Variants in TRABD2B observed in about 807,000 individuals in gnomAD.
The protein encoded by TRABD2B is TraB domain containing 2B.
TRABD2B carries 14 observed loss-of-function variants against 40.1 expected under a neutral mutation model. That is an observed-to-expected ratio of 0.35 (90% confidence interval 0.23 to 0.55). The LOEUF is 0.55. Ranked by LOEUF, TRABD2B falls within the 20% of genes least tolerant of loss-of-function variation. TRABD2B has a pLI of 0.90. For synonymous variants in TRABD2B, 263 were observed against 277.0 expected (o/e 0.95, Z 0.50); for missense variants, 541 against 648.6 (o/e 0.83, Z 1.80).
intron 2 of TRABD2B, among the ~76,000 whole-genome samples, chr1:47,885,487 C>T (rs568470147): frequency 6.6e-6 from 1 of 152,332 alleles, no homozygotes; most frequent in African/African-American, 2.4e-5. Context: ...CATCTGGTAA[C>T]TGTGGAGCAT....
intron 2 of TRABD2B, among the ~76,000 whole-genome samples, chr1:47,855,104 A>C (rs903279420): frequency 1.3e-5 from 2 of 152,204 alleles, no homozygotes; most frequent in Admixed American, 1.3e-4. Context: ...TTTTTGAATA[A>C]GACTGGGTTT....
At chr1:47,977,846 G>A (rs1242468664) in intron 2 of TRABD2B, among the ~76,000 whole-genome samples, 6 of 152,008 alleles carry the variant, frequency 3.9e-5, no homozygotes, top group Admixed American at 3.3e-4. Flanking sequence ...AGAGCTGGAG[G>A]GCTCTAAAGG....
intron 2 of TRABD2B, among the ~76,000 whole-genome samples, chr1:47,907,303 G>C (rs886940773): frequency 1.3e-5 from 2 of 152,162 alleles, no homozygotes; most frequent in African/African-American, 2.4e-5. Flanking sequence ...CATTGAATTT[G>C]GTTTTCTAGC....
chr1:47,938,926 T>C (rs1645149479), intron 2 of TRABD2B, among the ~76,000 whole-genome samples: 1 of 77,336 alleles, frequency 1.3e-5, no homozygotes, highest in African/African-American at 5.4e-5. Flanking sequence ...TAAGAGTGTG[T>C]GCATGAGACA....
rs1644722451 is a variant in TRABD2B at position 47,794,705 on chromosome 1, T to C, written c.869A>G (p.Glu290Gly). The C allele has an allele frequency of 6.5e-7, 1 of 1,536,186 alleles. No homozygotes were observed. The highest frequency in any genetic ancestry group is 1.4e-5 in the African/African-American group (1 of 73,034). ...CTCCTGGCGGAAGTAGCTGTCAATCTCCTGGGCCGTCACCTGCTCGTGTGG... is the reference window on the plus strand; with the variant it reads ...CTCCTGGCGGAAGTAGCTGTCAATCCCCTGGGCCGTCACCTGCTCGTGTGG... ...LPPHEQVTAQEIDSYFRQELI... is the reference protein window; with the variant it reads ...LPPHEQVTAQGIDSYFRQELI... Residue 290 changes from glutamate to glycine, a missense_variant, in exon 4 of 7, where the codon GAG becomes GGG. By Grantham distance (98) the Glu-to-Gly change is moderately conservative (BLOSUM62 -2). Around this residue, in one of 2 missense-constraint regions of TRABD2B, gnomAD observed 369 missense variants for 492.8 expected, o/e 0.75. Coordinates refer to ENST00000606738, the MANE Select transcript of TRABD2B (RefSeq NM_001194986.2).
At chr1:47,878,910 A>G (rs1644261640) in intron 2 of TRABD2B, among the ~76,000 whole-genome samples, 2 of 152,052 alleles carry the variant, frequency 1.3e-5, no homozygotes, top group South Asian at 4.2e-4. Flanking sequence ...CAGCTTGCAC[A>G]ACATAGTGAG....
rs146052667 is a variant in TRABD2B, at chr1:47,924,810, G to A, written c.666+69224C>T. On this transcript the variant is annotated intron_variant, in intron 2 of 6. Transcript: ENST00000606738. ...CTGGGGCCATCTAGGGCAGAGGACC[G>A]GTGCTCCCGCTGGCCTGCCTGGGGA... 7.9e-5 allele frequency among the ~76,000 whole-genome samples: 12 copies of A among 152,268 alleles called. No individual in the cohort carries two copies. In the East Asian group the frequency reaches 2.1e-3, roughly 27 times the overall value.
At chr1:47,833,788 T>C (rs879371257) in intron 2 of TRABD2B, among the ~76,000 whole-genome samples, 2 of 152,230 alleles carry the variant, frequency 1.3e-5, no homozygotes, top group Non-Finnish European at 2.9e-5. Flanking sequence ...TGGATATCAG[T>C]GAACCATTTG....
chr1:47,990,809 A>G (rs1229674300), intron 2 of TRABD2B, among the ~76,000 whole-genome samples: 4 of 77,438 alleles, frequency 5.2e-5, no homozygotes, highest in Non-Finnish European at 1.0e-4. Context: ...ATATATATAT[A>G]TATATATATA....
At chr1:47,940,959 A>G (rs543587721) in intron 2 of TRABD2B, among the ~76,000 whole-genome samples, 1 of 152,260 alleles carries the variant, frequency 6.6e-6, no homozygotes, top group Non-Finnish European at 1.5e-5. Flanking sequence ...AGCCCAGAAG[A>G]GCAGTAGGGC....
chr1:47,872,436 A>T (rs1364982664), intron 2 of TRABD2B, among the ~76,000 whole-genome samples: 1 of 152,140 alleles, frequency 6.6e-6, no homozygotes, highest in African/African-American at 2.4e-5. Context: ...ATGGATGAAG[A>T]GGTAAATGCC....
chr1:47,831,702 C>T (rs568371420), intron 2 of TRABD2B, among the ~76,000 whole-genome samples: 4 of 152,272 alleles, frequency 2.6e-5, no homozygotes, highest in South Asian at 2.1e-4. Context: ...AAATCACCAG[C>T]GGGTCGCAAA....
intron 2 of TRABD2B, among the ~76,000 whole-genome samples, chr1:47,822,623 C>T (rs750736582): frequency 6.6e-6 from 1 of 152,222 alleles, no homozygotes; most frequent in South Asian, 2.1e-4. Flanking sequence ...AAAGTTGGAG[C>T]TAACATACAT....
intron 2 of TRABD2B, among the ~76,000 whole-genome samples, chr1:47,830,765 C>T (rs974686604): frequency 1.2e-4 from 19 of 152,128 alleles, no homozygotes; most frequent in African/African-American, 9.7e-5. Context: ...CAGGGAAAGA[C>T]GGAGGCAAAG....
chr1:47,884,638 G>A (rs1409690541), intron 2 of TRABD2B, among the ~76,000 whole-genome samples: 1 of 152,076 alleles, frequency 6.6e-6, no homozygotes, highest in African/African-American at 2.4e-5. Flanking sequence ...TTTTGAGACA[G>A]AGTCTCGCTC....
At chr1:47,888,972 C>T (rs1341834347) in intron 2 of TRABD2B, among the ~76,000 whole-genome samples, 1 of 152,194 alleles carries the variant, frequency 6.6e-6, no homozygotes, top group Non-Finnish European at 1.5e-5. Context: ...GCTCCCCAGC[C>T]CCTGTACTTC....
chr1:47,783,073 G>T (rs762653850), intron 4 of TRABD2B, among the ~76,000 whole-genome samples: 1 of 152,156 alleles, frequency 6.6e-6, no homozygotes, highest in Non-Finnish European at 1.5e-5. Context: ...TGCAGACAAA[G>T]AGAGGGAGAG....
chr1:47,906,613 C>T (rs1041787015), intron 2 of TRABD2B, among the ~76,000 whole-genome samples: 5 of 152,194 alleles, frequency 3.3e-5, no homozygotes, highest in South Asian at 2.1e-4. Context: ...CAAGCCTAGA[C>T]GGGTAATACT....
At chr1:47,901,377 C>G (rs924150739) in intron 2 of TRABD2B, among the ~76,000 whole-genome samples, 1 of 152,196 alleles carries the variant, frequency 6.6e-6, no homozygotes, top group Non-Finnish European at 1.5e-5. Flanking sequence ...GCAGAGTCTC[C>G]CTTCCTAGGG....
Sources: gnomAD v4.1 joint callset for allele counts (sites outside exome capture counted in the v4.1 genomes callset) on GRCh38, gnomAD v4.1.1 for gene constraint, gnomAD v4.1.1 regional missense constraint, MANE v1.5 for transcripts, NCBI Gene and HGNC (gene_info 2026-07-23, HGNC 2026-07-21) for gene names.